The following SYNDIG1 variants were observed in gnomAD, a reference collection of about 807,000 sequenced individuals.
The protein encoded by SYNDIG1 is synapse differentiation inducing 1.
Under a neutral mutation model 19.4 loss-of-function variants are expected in SYNDIG1, and 9 were observed. That is an observed-to-expected ratio of 0.46 (90% confidence interval 0.28 to 0.81). The LOEUF is 0.81. Among genes scored for constraint, SYNDIG1 ranks in the 30% least tolerant of loss-of-function variants. The pLI is 0.12. For missense variants in SYNDIG1, 311 were observed against 343.3 expected (o/e 0.91, Z 0.74); for synonymous variants, 141 against 145.9 (o/e 0.97, Z 0.24).
chr20:24,600,135 G>A (rs966113586), intron 3 of SYNDIG1, among the ~76,000 whole-genome samples: 4 of 152,098 alleles, frequency 2.6e-5, no homozygotes, highest in East Asian at 3.8e-4. Context: ...AAAAAATATC[G>A]AGCTTTCCAC....
At chr20:24,553,701 T>G (rs2057754350) in intron 2 of SYNDIG1, among the ~76,000 whole-genome samples, 1 of 152,250 alleles carries the variant, frequency 6.6e-6, no homozygotes. Context: ...CATGCTGTTT[T>G]GGTTACTGTA....
chr20:24,626,829 C>T (rs531874097), intron 3 of SYNDIG1, among the ~76,000 whole-genome samples: 10 of 152,258 alleles, frequency 6.6e-5, no homozygotes, highest in Non-Finnish European at 1.3e-4. Flanking sequence ...ATCCCGGCAC[C>T]TCGGGAGGCC....
chr20:24,624,070 A>G (rs1417934336), intron 3 of SYNDIG1, among the ~76,000 whole-genome samples: 1 of 152,082 alleles, frequency 6.6e-6, no homozygotes, highest in Non-Finnish European at 1.5e-5. Context: ...AGACCATCCT[A>G]GCTAACATGG....
chr20:24,608,551 C>T (rs573412806), intron 3 of SYNDIG1, among the ~76,000 whole-genome samples: 21 of 152,274 alleles, frequency 1.4e-4, no homozygotes, highest in African/African-American at 4.6e-4. Context: ...GCAAGGCCCC[C>T]GTGTCCAGAC....
intron 3 of SYNDIG1, among the ~76,000 whole-genome samples, chr20:24,617,919 C>T (rs1220375542): frequency 4.9e-5 from 2 of 41,152 alleles, no homozygotes; most frequent in African/African-American, 9.5e-5. Flanking sequence ...CCTGGAGAAG[C>T]GGGAGAGCCC....
intron 1 of SYNDIG1, among the ~76,000 whole-genome samples, chr20:24,517,749 G>GTA (rs1284943672): frequency 7.0e-6 from 1 of 143,656 alleles, no homozygotes; most frequent in African/African-American, 2.6e-5. Context: ...ATGTGTATGT[G>GTA]TGTGTGTGTG....
chr20:24,528,993 G>A (rs1417762369), intron 1 of SYNDIG1, among the ~76,000 whole-genome samples: 1 of 152,134 alleles, frequency 6.6e-6, no homozygotes, highest in African/African-American at 2.4e-5. Flanking sequence ...CAGGCTTGTG[G>A]TTAGAAATTC....
At chr20:24,611,735 C>T (rs986406574) in intron 3 of SYNDIG1, among the ~76,000 whole-genome samples, 1 of 152,190 alleles carries the variant, frequency 6.6e-6, no homozygotes, top group African/African-American at 2.4e-5. Flanking sequence ...TCTCCCAGGC[C>T]CTTCCTTATG....
chr20:24,540,632 C>T (rs1050039106), intron 1 of SYNDIG1, among the ~76,000 whole-genome samples: 1 of 152,102 alleles, frequency 6.6e-6, no homozygotes, highest in Non-Finnish European at 1.5e-5. Flanking sequence ...GCATTAAATT[C>T]TTTTTCTATG....
intron 3 of SYNDIG1, among the ~76,000 whole-genome samples, chr20:24,613,677 C>T (rs762666051): frequency 5.3e-5 from 8 of 152,176 alleles, no homozygotes; most frequent in Non-Finnish European, 8.8e-5. Context: ...CCAGCTCCTG[C>T]GGCATCTCCC....
At chr20:24,487,466 T>C (rs889399871) in intron 1 of SYNDIG1, among the ~76,000 whole-genome samples, 5 of 152,146 alleles carry the variant, frequency 3.3e-5, no homozygotes, top group Admixed American at 2.6e-4. Flanking sequence ...TGCTGAGTTA[T>C]CTGCTCTGGT....
chr20:24,481,997 G>T (rs1225005715), intron 1 of SYNDIG1, among the ~76,000 whole-genome samples: 1 of 152,010 alleles, frequency 6.6e-6, no homozygotes, highest in Non-Finnish European at 1.5e-5. Context: ...AACAAAATTG[G>T]AACGCATATA....
At chr20:24,648,970 C>T (rs765128399) in intron 3 of SYNDIG1, among the ~76,000 whole-genome samples, 8 of 152,132 alleles carry the variant, frequency 5.3e-5, no homozygotes, top group Non-Finnish European at 7.3e-5. Flanking sequence ...GTGCAAGGTG[C>T]GATGTTAAGT....
chr20:24,617,632 G>C (rs2058958982), intron 3 of SYNDIG1, among the ~76,000 whole-genome samples: 3 of 152,082 alleles, frequency 2.0e-5, no homozygotes, highest in East Asian at 1.9e-4. Flanking sequence ...AAAGCCCGGG[G>C]GTGCATTTTG....
At chr20:24,616,859 G>C (rs1257794622) in intron 3 of SYNDIG1, among the ~76,000 whole-genome samples, 1 of 152,204 alleles carries the variant, frequency 6.6e-6, no homozygotes. Context: ...CGCCAGGCAG[G>C]GTGCCGGCAC....
At chr20:24,524,310 GC>G (rs2057069030) in intron 1 of SYNDIG1, among the ~76,000 whole-genome samples, 2 of 152,054 alleles carry the variant, frequency 1.3e-5, no homozygotes, top group Non-Finnish European at 2.9e-5. Flanking sequence ...CCTTCTTCTC[GC>G]CTTTGGTTAG....
chr20:24,472,307 A>G (rs1040426855), intron 1 of SYNDIG1, among the ~76,000 whole-genome samples: 4 of 152,246 alleles, frequency 2.6e-5, no homozygotes, highest in African/African-American at 9.6e-5. Context: ...AAGGGCGTGA[A>G]CACGATTCTG....
intron 3 of SYNDIG1, among the ~76,000 whole-genome samples, chr20:24,655,198 A>C (rs1476885097): frequency 6.6e-6 from 1 of 152,254 alleles, no homozygotes; most frequent in Non-Finnish European, 1.5e-5. Context: ...AGGAATTAAT[A>C]GATTATCTGA....
intron 1 of SYNDIG1, among the ~76,000 whole-genome samples, chr20:24,539,290 G>A (rs2057421419): frequency 6.6e-6 from 1 of 152,156 alleles, no homozygotes; most frequent in East Asian, 1.9e-4. Context: ...TTAGGTAAGG[G>A]TTCAACTTCA....
Sources: gnomAD v4.1 joint callset for allele counts (sites outside exome capture counted in the v4.1 genomes callset) on GRCh38, gnomAD v4.1.1 for gene constraint, MANE v1.5 for transcripts, NCBI Gene and HGNC (gene_info 2026-07-23, HGNC 2026-07-21) for gene names.